The following GDPD5 variants were observed in gnomAD, a reference collection of about 807,000 sequenced individuals.
GDPD5 encodes the protein glycerophosphodiester phosphodiesterase domain containing 5.
A neutral mutation model predicts 75.1 loss-of-function variants in GDPD5; 48 were observed. The ratio of observed to expected loss-of-function variants is 0.64; its 90% CI spans 0.51 to 0.81. The LOEUF (loss-of-function observed/expected upper bound fraction) is 0.81. Ranked by LOEUF, GDPD5 falls within the 40% of genes least tolerant of loss-of-function variation. GDPD5 has a pLI of 0.00. For synonymous variants in GDPD5, 336 were observed against 339.0 expected (o/e 0.99, Z 0.10); for missense variants, 706 against 822.6 (o/e 0.86, Z 1.73).
chr11:75,514,378 T>C (rs376680799), intron 1 of GDPD5, among the ~76,000 whole-genome samples: 2 of 152,382 alleles, frequency 1.3e-5, no homozygotes, highest in African/African-American at 2.4e-5. Flanking sequence ...CAGACATCCT[T>C]GCAGGCCCAC....
chr11:75,441,077 C>G (rs1390675640), intron 14 of GDPD5, 86 bp downstream of exon 14: 11 of 1,387,390 alleles, frequency 7.9e-6, no homozygotes, highest in Non-Finnish European at 1.1e-5. Context: ...AGGGACAGCT[C>G]CAAGCACAGA....
chr11:75,440,307 C>G (rs941418626), intron 14 of GDPD5, among the ~76,000 whole-genome samples: 9 of 152,152 alleles, frequency 5.9e-5, no homozygotes, highest in Admixed American at 5.2e-4. Context: ...TGCCGCCCCC[C>G]GCTGCCGACT....
At chr11:75,447,305 A>G (rs566818) in intron 9 of GDPD5, among the ~76,000 whole-genome samples, 96,060 of 152,050 alleles carry the variant, frequency 0.63, 31,447 homozygotes, top group East Asian at 0.93. Context: ...AGACAATAAA[A>G]GGAAATTGAA....
At chr11:75,507,098 C>T (rs925145956) in intron 1 of GDPD5, 1 of 152,716 alleles carries the variant, frequency 6.5e-6, no homozygotes, top group Non-Finnish European at 1.5e-5. Flanking sequence ...CTTCTGGGCA[C>T]TGCAGGACAA....
At chr11:75,445,597 C>T (rs950077881) in intron 9 of GDPD5, among the ~76,000 whole-genome samples, 7 of 152,200 alleles carry the variant, frequency 4.6e-5, no homozygotes, top group Non-Finnish European at 1.0e-4. Context: ...GATCCCCCTG[C>T]CCTGCTCTGT....
rs570889737 is a variant in GDPD5, at chr11:75,442,348, G to A, written c.1167+15C>T. 2.9e-5 allele frequency: 45 copies of A among 1,537,712 alleles called. No homozygotes were observed. The highest frequency in any genetic ancestry group is 1.8e-4 in the Admixed American group (9 of 50,920). ...CCAGGGCTCCCGGGGGCAGAGCTGCGTTGCAGGGCCTCACCTGGTGCTGGG... is the reference window on the plus strand; with the variant it reads ...CCAGGGCTCCCGGGGGCAGAGCTGCATTGCAGGGCCTCACCTGGTGCTGGG... On this transcript the variant is annotated intron_variant, in intron 12 of 16. Coordinates refer to ENST00000336898, the MANE Select transcript of GDPD5 (RefSeq NM_030792.8).
intron 2 of GDPD5, among the ~76,000 whole-genome samples, chr11:75,489,516 T>G (rs1950073142): frequency 6.6e-6 from 1 of 152,254 alleles, no homozygotes; most frequent in Non-Finnish European, 1.5e-5. Context: ...TGAAGGTTCA[T>G]GCTAATTCCA....
At chr11:75,442,677 G>A (rs1224987783) in intron 11 of GDPD5, 96 bp from the exon 12 acceptor site, 3 of 1,077,106 alleles carry the variant, frequency 2.8e-6, no homozygotes, top group Non-Finnish European at 4.1e-6. Flanking sequence ...CCCCTGGGCT[G>A]CCAGAGTCTG....
At chr11:75,520,816 C>G (rs888232020) in intron 1 of GDPD5, among the ~76,000 whole-genome samples, 1 of 152,222 alleles carries the variant, frequency 6.6e-6, no homozygotes, top group African/African-American at 2.4e-5. Flanking sequence ...CCAGTGACCC[C>G]GCTGTGGCCC....
intron 15 of GDPD5, among the ~76,000 whole-genome samples, 165 bp downstream of exon 15, chr11:75,439,713 GC>G (rs1412818129): frequency 5.9e-5 from 9 of 152,150 alleles, no homozygotes; most frequent in African/African-American, 2.2e-4. Flanking sequence ...AAGTCACCCA[GC>G]CTCTGTCTGA....
chr11:75,444,381 T>G lies in GDPD5; in HGVS notation c.797+32A>C, dbSNP rs751359411. The G allele has an allele frequency of 4.7e-6, 7 of 1,503,606 alleles. No homozygotes were observed. The African/African-American group carries it at 9.7e-5, about 21-fold the overall frequency. The allele number at this position is 1,503,606 out of a possible 1,614,324, so 93.1% of individuals were successfully genotyped here. On this transcript the variant is annotated intron_variant, in intron 10 of 16. Coordinates refer to ENST00000336898, the MANE Select transcript of GDPD5 (RefSeq NM_030792.8). ...TGGATGCCGAAGCGTGTGGGAGGGG[T>G]AGAGGAACTATCTCCCCTCCGCTAC... is the stretch of plus-strand genomic sequence containing the variant.
intron 1 of GDPD5, among the ~76,000 whole-genome samples, chr11:75,502,791 G>A (rs1950323123): frequency 6.6e-6 from 1 of 152,170 alleles, no homozygotes; most frequent in African/African-American, 2.4e-5. Context: ...ATTGCTCTGA[G>A]ACTGCCTTGC....
intron 3 of GDPD5, among the ~76,000 whole-genome samples, chr11:75,467,010 C>T (rs1056798765): frequency 3.3e-5 from 5 of 152,132 alleles, no homozygotes; most frequent in African/African-American, 1.2e-4. Context: ...GGATTTCTCT[C>T]CTCCAACTCT....
chr11:75,439,475 G>C, intron 15 of GDPD5: 1 of 407,336 alleles, frequency 2.5e-6, no homozygotes, highest in Admixed American at 2.7e-5. Flanking sequence ...CAGCCCCTTG[G>C]TTCCTGGCTG....
chr11:75,480,561 A>T (rs1043440646), intron 2 of GDPD5, among the ~76,000 whole-genome samples: 1 of 152,122 alleles, frequency 6.6e-6, no homozygotes, highest in East Asian at 1.9e-4. Context: ...AACTTTTCCA[A>T]TGTGACTGCA....
At chr11:75,488,859 T>A (rs1008210282) in intron 2 of GDPD5, among the ~76,000 whole-genome samples, 4 of 152,184 alleles carry the variant, frequency 2.6e-5, no homozygotes, top group Admixed American at 1.3e-4. Flanking sequence ...GGGTTCAGAC[T>A]TCTGATCCAC....
chr11:75,461,605 C>T (rs1441949165), intron 4 of GDPD5, among the ~76,000 whole-genome samples: 1 of 152,210 alleles, frequency 6.6e-6, no homozygotes, highest in African/African-American at 2.4e-5. Context: ...GAGATGTGGT[C>T]TCCTAGGAAG....
chr11:75,459,533 C>T (rs577975645), intron 4 of GDPD5, among the ~76,000 whole-genome samples: 50 of 152,126 alleles, frequency 3.3e-4, no homozygotes, highest in African/African-American at 1.1e-3. Flanking sequence ...AATGAACTAC[C>T]CACATCCGGC....
intron 6 of GDPD5, chr11:75,450,262 G>C (rs1325179466): frequency 9.1e-6 from 5 of 550,478 alleles, no homozygotes; most frequent in Non-Finnish European, 1.6e-5. Context: ...GGGACAGGAG[G>C]AGGAGGGAAC....
Sources: allele counts gnomAD v4.1 joint callset (sites outside exome capture counted in the v4.1 genomes callset), GRCh38; gene constraint gnomAD v4.1.1; transcripts MANE v1.5; gene names NCBI Gene and HGNC (gene_info 2026-07-23, HGNC 2026-07-21).